ADAMTSL3: variants seen among roughly 807,000 people sequenced by gnomAD.
The protein encoded by ADAMTSL3 is ADAMTS like 3.
In ADAMTSL3, 128 loss-of-function variants were observed where a neutral mutation model predicts 201.7. The observed-to-expected ratio is 0.63, with a 90% CI of 0.55 to 0.73. The LOEUF is 0.73. ADAMTSL3 is among the 30% of genes least tolerant of loss of function. The pLI, the probability that ADAMTSL3 is intolerant of heterozygous loss-of-function variation, is 0.00. For missense variants in ADAMTSL3, 1,990 were observed against 2,119.6 expected, an observed-to-expected ratio of 0.94 and a Z score of 1.20; for synonymous variants, 738 against 748.4, an observed-to-expected ratio of 0.99 and a Z score of 0.23.
intron 2 of ADAMTSL3, among the ~76,000 whole-genome samples, chr15:83,666,464 T>C (rs1403300401): frequency 6.6e-6 from 1 of 152,214 alleles, no homozygotes; most frequent in African/African-American, 2.4e-5. Flanking sequence ...AAGGAAATTT[T>C]ATTAGTAAGA....
intron 6 of ADAMTSL3, 149 bp downstream of exon 6, chr15:83,820,196 T>G: frequency 3.1e-6 from 2 of 646,252 alleles, no homozygotes; most frequent in South Asian, 3.8e-5. Context: ...TAATCCCAGT[T>G]TTGTATTTTT....
intron 2 of ADAMTSL3, among the ~76,000 whole-genome samples, chr15:83,658,710 A>G (rs565092993): frequency 6.6e-6 from 1 of 152,156 alleles, no homozygotes; most frequent in Non-Finnish European, 1.5e-5. Flanking sequence ...AGCCTGGAGT[A>G]TTTGAAAGCT....
rs550855624 is a variant in ADAMTSL3, at chr15:83,891,067, A to G, written c.1212-262A>G. 21 of 379,120 alleles carry G rather than the reference A, an allele frequency of 5.5e-5. 2 individuals carry two copies. In the South Asian group the frequency reaches 9.0e-4, roughly 16 times the overall value. 23.5% of individuals were successfully genotyped at this position (379,120 alleles called of 1,614,324 possible). ...AAGGAATAAATTTATTGAAATTGCA[A>G]GATACTTTTCTCCTTTGATTAATAT... On this transcript the variant is annotated intron_variant, in intron 11 of 29. Transcript: ENST00000286744.
At chr15:83,732,134 G>A (rs1022965489) in intron 3 of ADAMTSL3, among the ~76,000 whole-genome samples, 1 of 151,988 alleles carries the variant, frequency 6.6e-6, no homozygotes, top group Admixed American at 6.6e-5. Flanking sequence ...ATCAAAACAT[G>A]TTGTACCTCT....
intron 8 of ADAMTSL3, among the ~76,000 whole-genome samples, chr15:83,863,779 G>A (rs2064916839): frequency 1.3e-5 from 2 of 152,020 alleles, no homozygotes; most frequent in South Asian, 4.1e-4. Flanking sequence ...CAGAACTGAA[G>A]GAAATAGAAA....
intron 3 of ADAMTSL3, among the ~76,000 whole-genome samples, chr15:83,736,774 G>A (rs1192182179): frequency 1.3e-5 from 2 of 152,178 alleles, no homozygotes; most frequent in Non-Finnish European, 2.9e-5. Context: ...AGACCTCTAG[G>A]AGAGATGGGA....
intron 2 of ADAMTSL3, among the ~76,000 whole-genome samples, chr15:83,693,192 G>A (rs1219534742): frequency 6.6e-6 from 1 of 152,160 alleles, no homozygotes; most frequent in Non-Finnish European, 1.5e-5. Flanking sequence ...CGTCATGTCT[G>A]CATAATTAAT....
chr15:83,963,065 T>C (rs973456331), intron 19 of ADAMTSL3, among the ~76,000 whole-genome samples: 1 of 152,120 alleles, frequency 6.6e-6, no homozygotes, highest in Non-Finnish European at 1.5e-5. Flanking sequence ...CCAGGGCCCA[T>C]GGGTTTCAAG....
At chr15:83,781,770 A>G (rs553907838) in intron 4 of ADAMTSL3, among the ~76,000 whole-genome samples, 3 of 152,358 alleles carry the variant, frequency 2.0e-5, no homozygotes, top group Admixed American at 6.5e-5. Context: ...GGCAAAGGAC[A>G]TGAACAGACA....
chr15:83,960,186 A>G (rs983692046), intron 19 of ADAMTSL3, among the ~76,000 whole-genome samples: 1 of 152,198 alleles, frequency 6.6e-6, no homozygotes, highest in African/African-American at 2.4e-5. Flanking sequence ...TTCTGTTAAA[A>G]GATGTCACTA....
At chr15:83,673,238 A>G (rs1345542169) in intron 2 of ADAMTSL3, among the ~76,000 whole-genome samples, 1 of 152,236 alleles carries the variant, frequency 6.6e-6, no homozygotes, top group East Asian at 1.9e-4. Flanking sequence ...ACTTTAAAAG[A>G]TAACAGAGCT....
At chr15:84,019,475 G>A (rs963167402) in intron 25 of ADAMTSL3, among the ~76,000 whole-genome samples, 1 of 152,082 alleles carries the variant, frequency 6.6e-6, no homozygotes, top group Non-Finnish European at 1.5e-5. Flanking sequence ...ATTGACAGGA[G>A]AATAGATTAA....
intron 10 of ADAMTSL3, among the ~76,000 whole-genome samples, chr15:83,889,021 GTTTAAC>G (rs915541602): frequency 1.1e-4 from 17 of 152,204 alleles, no homozygotes; most frequent in Middle Eastern, 3.4e-3. Flanking sequence ...TTTTGAAAAA[GTTTAAC>G]TTTAACAAGA....
chr15:83,713,517 T>G (rs2061960400), intron 3 of ADAMTSL3, among the ~76,000 whole-genome samples: 1 of 151,274 alleles, frequency 6.6e-6, no homozygotes, highest in Non-Finnish European at 1.5e-5. Context: ...GGGAACATCT[T>G]TTTTTTTTCT....
At chr15:83,880,302 C>G (rs188192397) in intron 9 of ADAMTSL3, among the ~76,000 whole-genome samples, 33 of 152,212 alleles carry the variant, frequency 2.2e-4, no homozygotes, top group Admixed American at 2.0e-3. Flanking sequence ...TTCTTTTTAT[C>G]TGTCATTTTA....
chr15:83,849,268 A>G (rs5006997), intron 7 of ADAMTSL3, among the ~76,000 whole-genome samples: 52,957 of 152,036 alleles, frequency 0.35, 10,317 homozygotes, highest in East Asian at 0.57. Flanking sequence ...CTGGCACTAC[A>G]GGCATGTACC....
At chr15:83,993,372 AC>A (rs1313599659) in intron 23 of ADAMTSL3, among the ~76,000 whole-genome samples, 1 of 152,234 alleles carries the variant, frequency 6.6e-6, no homozygotes, top group Non-Finnish European at 1.5e-5. Flanking sequence ...ATAGATGAGT[AC>A]ATTAAAACAT....
chr15:83,685,658 TC>T (rs2061525997), intron 2 of ADAMTSL3, among the ~76,000 whole-genome samples: 1 of 152,226 alleles, frequency 6.6e-6, no homozygotes, highest in African/African-American at 2.4e-5. Context: ...GAATGAGTTT[TC>T]CAATGGGCTG....
chr15:83,827,483 T>C (rs2064050485), intron 6 of ADAMTSL3, among the ~76,000 whole-genome samples: 3 of 152,224 alleles, frequency 2.0e-5, no homozygotes, highest in Admixed American at 2.0e-4. Flanking sequence ...CTGATGGTAG[T>C]TTCTTTTGCT....
Sources: gnomAD v4.1 joint callset for allele counts (sites outside exome capture counted in the v4.1 genomes callset) on GRCh38, gnomAD v4.1.1 for gene constraint, MANE v1.5 for transcripts, NCBI Gene and HGNC (gene_info 2026-07-23, HGNC 2026-07-21) for gene names.